Variants in PRKCE observed in about 807,000 individuals in gnomAD.
The protein encoded by PRKCE is protein kinase C epsilon, also known as protein kinase C epsilon type.
Under a neutral mutation model 85.4 loss-of-function variants are expected in PRKCE, and 16 were observed. The ratio of observed to expected loss-of-function variants is 0.19; its 90% CI spans 0.13 to 0.28. The LOEUF (loss-of-function observed/expected upper bound fraction) is 0.28, where lower values mean the gene tolerates loss of function less well. Ranked by LOEUF, PRKCE falls within the 10% of genes least tolerant of loss-of-function variation. The probability of loss-of-function intolerance (pLI) is 1.00; values close to 1 mark genes in which losing one functional copy is unlikely to be tolerated. For synonymous variants in PRKCE, 388 were observed against 371.5 expected, an observed-to-expected ratio of 1.04 and a Z score of -0.51; for missense variants, 573 against 975.2, an observed-to-expected ratio of 0.59 and a Z score of 5.49.
At chr2:45,922,970 G>C (rs1043181230) in intron 2 of PRKCE, among the ~76,000 whole-genome samples, 15 of 152,166 alleles carry the variant, frequency 9.9e-5, no homozygotes, top group African/African-American at 3.6e-4. Context: ...TGGCTTTACA[G>C]GGCTTGACGA....
At chr2:45,677,005 G>T (rs758065367) in intron 1 of PRKCE, 1 of 152,246 alleles carries the variant, frequency 6.6e-6, no homozygotes, top group East Asian at 1.9e-4. Context: ...ACCCAAAAGG[G>T]CCCCAAACTA....
At chr2:45,990,340 A>G (rs893582635) in intron 6 of PRKCE, among the ~76,000 whole-genome samples, 1 of 152,232 alleles carries the variant, frequency 6.6e-6, no homozygotes. Flanking sequence ...ACACGAGGCA[A>G]TGGGACATCT....
At chr2:45,842,926 G>T in intron 1 of PRKCE, 74 bp from the exon 2 acceptor site, 1 of 1,373,364 alleles carries the variant, frequency 7.3e-7, no homozygotes, top group Admixed American at 1.7e-5. Flanking sequence ...GCAGTTTGGG[G>T]TAGAAATGTT....
At chr2:46,019,637 C>G (rs551635154) in intron 10 of PRKCE, among the ~76,000 whole-genome samples, 47 of 152,274 alleles carry the variant, frequency 3.1e-4, no homozygotes, top group African/African-American at 1.1e-3. Context: ...AGGAACTTAA[C>G]TCTTCTTTAT....
intron 1 of PRKCE, among the ~76,000 whole-genome samples, chr2:45,791,051 C>T (rs148442133): frequency 1.3e-5 from 2 of 152,326 alleles, no homozygotes; most frequent in East Asian, 3.9e-4. Context: ...TCCGCACAAA[C>T]GTCTGCAGTC....
chr2:45,919,405 C>T (rs566038231), intron 2 of PRKCE, among the ~76,000 whole-genome samples: 1 of 152,332 alleles, frequency 6.6e-6, no homozygotes, highest in Non-Finnish European at 1.5e-5. Context: ...GGAAAGCCAG[C>T]GTAGGCAGTG....
At position 46,041,970 on chromosome 2, in the gene PRKCE, A is replaced by G. The variant is rs1472068255; in HGVS notation, c.1437+31453A>G. ...TGATGTCTATATCAAAGATTGTAATATAATTTGAGGTGGCAGTCCCCCTTC... is the reference window on the plus strand; with the variant it reads ...TGATGTCTATATCAAAGATTGTAATGTAATTTGAGGTGGCAGTCCCCCTTC... On this transcript the variant is annotated intron_variant, in intron 10 of 14. Transcript: ENST00000306156. This position sits in a 1 kb window ranked among gnomAD's most constrained non-coding sequence, Gnocchi z 5.5. 6.6e-6 allele frequency among the ~76,000 whole-genome samples: 1 copy of G among 152,212 alleles called. No individual in the cohort carries two copies. Among genetic ancestry groups the G allele is most frequent in the East Asian group, 1.9e-4 (1 of 5,206 alleles).
At chr2:46,142,592 G>A (rs1016463421) in intron 11 of PRKCE, among the ~76,000 whole-genome samples, 20 of 152,248 alleles carry the variant, frequency 1.3e-4, no homozygotes, top group Non-Finnish European at 2.9e-4. Flanking sequence ...GCCAAGGGCA[G>A]CTGCTGCATG....
intron 2 of PRKCE, among the ~76,000 whole-genome samples, chr2:45,871,960 C>T (rs375715846): frequency 4.6e-5 from 7 of 152,140 alleles, no homozygotes; most frequent in South Asian, 4.1e-4. Context: ...ATACTGAGGA[C>T]GGAGTTAGTG....
intron 13 of PRKCE, among the ~76,000 whole-genome samples, chr2:46,156,697 C>A (rs969780449): frequency 1.3e-5 from 2 of 152,240 alleles, no homozygotes; most frequent in Non-Finnish European, 1.5e-5. Flanking sequence ...CTTAGGGGGA[C>A]TCTGTTGTCC....
intron 1 of PRKCE, among the ~76,000 whole-genome samples, chr2:45,816,384 G>T (rs1246558897): frequency 6.6e-6 from 1 of 152,054 alleles, no homozygotes; most frequent in Non-Finnish European, 1.5e-5. Context: ...CTCCGGAGCT[G>T]GGAAAGCCAT....
chr2:46,147,580 A>G (rs1574597132), intron 12 of PRKCE, among the ~76,000 whole-genome samples: 1 of 152,242 alleles, frequency 6.6e-6, no homozygotes. Context: ...CTTCGTGCCC[A>G]CCGTGCAGAA....
At chr2:45,793,993 C>T (rs1020836853) in intron 1 of PRKCE, among the ~76,000 whole-genome samples, 26 of 152,280 alleles carry the variant, frequency 1.7e-4, no homozygotes, top group African/African-American at 6.3e-4. Flanking sequence ...CCCACATCTC[C>T]ATGCCTGAAT....
At chr2:45,695,882 G>C (rs1401293822) in intron 1 of PRKCE, among the ~76,000 whole-genome samples, 1 of 152,174 alleles carries the variant, frequency 6.6e-6, no homozygotes, top group East Asian at 1.9e-4. Context: ...ACGTCAGGCT[G>C]ACAAGAGTTT....
chr2:45,759,523 A>C (rs1032427184), intron 1 of PRKCE, among the ~76,000 whole-genome samples: 4 of 152,218 alleles, frequency 2.6e-5, no homozygotes, highest in Non-Finnish European at 5.9e-5. Context: ...GAGCTCCTGC[A>C]GGAAGCAAGG....
At position 45,907,834 on chromosome 2, in the gene PRKCE, A is replaced by G. The variant is rs1697096941; in HGVS notation, c.412+64771A>G. On this transcript the variant is annotated intron_variant, in intron 2 of 14. Coordinates refer to ENST00000306156, the MANE Select transcript of PRKCE (RefSeq NM_005400.3). The surrounding 1 kb of genome is among the most constrained non-coding windows in gnomAD (Gnocchi z 4.5). ...CCTACTTCACAGCCTCACCGTGCCC[A>G]TCCTCTGAGCTAATAATACTTGCCG... 3.9e-5 allele frequency among the ~76,000 whole-genome samples: 6 copies of G among 152,172 alleles called. No individual in the cohort carries two copies.
At chr2:45,896,844 G>A (rs991596707) in intron 2 of PRKCE, among the ~76,000 whole-genome samples, 1 of 152,196 alleles carries the variant, frequency 6.6e-6, no homozygotes, top group Non-Finnish European at 1.5e-5. Context: ...AATGCTTTGG[G>A]AGGCTGAGAT....
intron 2 of PRKCE, among the ~76,000 whole-genome samples, chr2:45,938,273 G>A (rs1404015327): frequency 6.6e-6 from 1 of 150,576 alleles, no homozygotes; most frequent in East Asian, 2.0e-4. Flanking sequence ...TAGATGGCTT[G>A]GCTGGAGGGG....
chr2:45,914,867 C>T (rs756576531), intron 2 of PRKCE, among the ~76,000 whole-genome samples: 3 of 152,124 alleles, frequency 2.0e-5, no homozygotes, highest in Non-Finnish European at 4.4e-5. Context: ...TTGGTTTTCC[C>T]ACAAAACCCC....
Sources: gnomAD v4.1 joint callset for allele counts (sites outside exome capture counted in the v4.1 genomes callset) on GRCh38, gnomAD v4.1.1 for gene constraint, Gnocchi (gnomAD v3.1) non-coding constraint, MANE v1.5 for transcripts, NCBI Gene and HGNC (gene_info 2026-07-23, HGNC 2026-07-21) for gene names.